RBFOX1: variants seen among roughly 807,000 people sequenced by gnomAD.
The protein encoded by RBFOX1 is RNA binding protein fox-1 homolog 1.
Under a neutral mutation model 57.7 loss-of-function variants are expected in RBFOX1, and 8 were observed. The ratio of observed to expected loss-of-function variants is 0.14; its 90% CI spans 0.08 to 0.25. RBFOX1 has a LOEUF of 0.25. RBFOX1 is among the 10% of genes least tolerant of loss of function. RBFOX1 has a pLI of 1.00. For synonymous variants in RBFOX1, 326 were observed against 222.4 expected (o/e 1.47, Z -4.15); for missense variants, 611 against 548.5 (o/e 1.11, Z -1.14).
At chr16:6,407,684 C>T (rs560618059) in intron 2 of RBFOX1, among the ~76,000 whole-genome samples, 2 of 151,960 alleles carry the variant, frequency 1.3e-5, no homozygotes, top group East Asian at 1.9e-4. Context: ...TTTCATTAAA[C>T]AAAAATATCT....
intron 1 of RBFOX1, among the ~76,000 whole-genome samples, chr16:5,351,088 G>A (rs1413651803): frequency 6.6e-6 from 1 of 152,072 alleles, no homozygotes; most frequent in South Asian, 2.1e-4. Flanking sequence ...GGTTGACCCC[G>A]GATAGGTCTA....
chr16:5,856,545 G>T (rs2057065066), intron 3 of RBFOX1, among the ~76,000 whole-genome samples: 1 of 60,768 alleles, frequency 1.6e-5, no homozygotes, highest in East Asian at 4.2e-4. Context: ...GTATGTGTGT[G>T]TGTGTGTGTG....
At chr16:7,679,837 T>A (rs1380234951) in intron 14 of RBFOX1, among the ~76,000 whole-genome samples, 1 of 152,000 alleles carries the variant, frequency 6.6e-6, no homozygotes, top group Non-Finnish European at 1.5e-5. Flanking sequence ...GGCAGAGATT[T>A]CCCCAAAAGA....
intron 4 of RBFOX1, among the ~76,000 whole-genome samples, chr16:5,994,680 G>A (rs1256241926): frequency 6.6e-6 from 1 of 152,198 alleles, no homozygotes; most frequent in Non-Finnish European, 1.5e-5. Context: ...CAATGAGTGT[G>A]TGTGGCTGTG....
intron 4 of RBFOX1, among the ~76,000 whole-genome samples, chr16:7,158,178 C>G (rs2077529857): frequency 1.3e-5 from 2 of 152,062 alleles, no homozygotes; most frequent in Admixed American, 6.6e-5. Context: ...GAAACCCTGT[C>G]TCTATAAAAA....
In RBFOX1 at chr16:7,518,338, C is replaced by T. The variant is rs777211248; in HGVS notation, c.219C>T (p.Ser73=). The T allele has an allele frequency of 1.2e-6, 2 of 1,613,802 alleles. No individual in the cohort carries two copies. Among genetic ancestry groups the T allele is most frequent in the East Asian group, 2.2e-5 (1 of 44,858 alleles). ...TGTACCCTCCCGCCCAGACGCACTC[C>T]GAGCAGAGCCCGGCGGACACGAGCG... ...LNLYPPAQTH[S]EQSPADTSAQ... The change falls in exon 5 of 16, where the codon TCC becomes TCT. Residue 73 remains serine, a synonymous_variant. Transcript: ENST00000550418.
At chr16:6,938,985 C>G (rs560860774) in intron 3 of RBFOX1, among the ~76,000 whole-genome samples, 1 of 152,112 alleles carries the variant, frequency 6.6e-6, no homozygotes, top group Non-Finnish European at 1.5e-5. Flanking sequence ...CAGGAATGCA[C>G]TGTAACTGTT....
At chr16:5,916,983 G>A (rs2058717725) in intron 4 of RBFOX1, among the ~76,000 whole-genome samples, 1 of 152,134 alleles carries the variant, frequency 6.6e-6, no homozygotes, top group Non-Finnish European at 1.5e-5. Context: ...GTTATGACCT[G>A]CATCCCATGT....
intron 4 of RBFOX1, among the ~76,000 whole-genome samples, chr16:5,976,966 C>T (rs953021034): frequency 6.6e-6 from 1 of 152,132 alleles, no homozygotes; most frequent in Non-Finnish European, 1.5e-5. Context: ...CCTGCACGTG[C>T]ACTTCTCAAA....
chr16:7,664,442 C>A (rs1234065334), intron 12 of RBFOX1, among the ~76,000 whole-genome samples: 1 of 152,194 alleles, frequency 6.6e-6, no homozygotes, highest in African/African-American at 2.4e-5. Context: ...GTGTTGTCCA[C>A]CTCACCTAAG....
chr16:6,780,848 G>T (rs557335019), intron 3 of RBFOX1, among the ~76,000 whole-genome samples: 1 of 151,810 alleles, frequency 6.6e-6, no homozygotes, highest in East Asian at 1.9e-4. Flanking sequence ...TTTGGGTTGG[G>T]GTTTTGTACC....
At chr16:6,231,542 G>A (rs978178742) in intron 1 of RBFOX1, among the ~76,000 whole-genome samples, 6 of 152,174 alleles carry the variant, frequency 3.9e-5, no homozygotes, top group African/African-American at 1.2e-4. Flanking sequence ...AATTTACCAT[G>A]TGTCCTTGGC....
At chr16:7,403,090 G>A (rs74518551) in intron 4 of RBFOX1, among the ~76,000 whole-genome samples, 11,297 of 152,050 alleles carry the variant, frequency 0.074, 520 homozygotes, top group East Asian at 0.19. Flanking sequence ...ATTTTCCCCC[G>A]GCTCTATGGG....
At chr16:7,382,666 A>G (rs374988139) in intron 4 of RBFOX1, among the ~76,000 whole-genome samples, 2 of 152,342 alleles carry the variant, frequency 1.3e-5, no homozygotes, top group East Asian at 3.9e-4. Flanking sequence ...ATCTGTGTCC[A>G]TCCTGGATTC....
intron 3 of RBFOX1, among the ~76,000 whole-genome samples, chr16:5,685,346 T>C (rs1465022207): frequency 6.6e-6 from 1 of 152,190 alleles, no homozygotes; most frequent in Non-Finnish European, 1.5e-5. Flanking sequence ...TCCAAGTAAG[T>C]CATTTGTCAT....
intron 3 of RBFOX1, among the ~76,000 whole-genome samples, chr16:6,966,296 T>C (rs1282176463): frequency 1.3e-5 from 2 of 152,036 alleles, no homozygotes; most frequent in Non-Finnish European, 2.9e-5. Context: ...CTGCAGGCAC[T>C]GAGGATAAAA....
At chr16:6,089,065 CAAAAA>C (rs5815283) in intron 1 of RBFOX1, among the ~76,000 whole-genome samples, 10 of 138,232 alleles carry the variant, frequency 7.2e-5, no homozygotes, top group African/African-American at 2.7e-4. Flanking sequence ...AACTCTGTCT[CAAAAA>C]AAAAAAAAAT....
intron 1 of RBFOX1, among the ~76,000 whole-genome samples, chr16:6,164,461 T>G (rs1430605023): frequency 6.9e-6 from 1 of 144,848 alleles, no homozygotes. Flanking sequence ...TTTTGCATTG[T>G]TATATTGATT....
chr16:6,999,469 C>T (rs897284374), intron 3 of RBFOX1, among the ~76,000 whole-genome samples: 8 of 151,454 alleles, frequency 5.3e-5, no homozygotes, highest in South Asian at 2.1e-4. Flanking sequence ...GAGTCTTGCT[C>T]TGTCACCCAG....
Sources: allele counts gnomAD v4.1 joint callset (sites outside exome capture counted in the v4.1 genomes callset), GRCh38; gene constraint gnomAD v4.1.1; transcripts MANE v1.5; gene names NCBI Gene and HGNC (gene_info 2026-07-23, HGNC 2026-07-21).